Variants in UNC13C observed in about 807,000 individuals in gnomAD.
The protein encoded by UNC13C is protein unc-13 homolog C.
A neutral mutation model predicts 245.4 loss-of-function variants in UNC13C; 174 were observed. That is an observed-to-expected ratio of 0.71 (90% CI 0.63 to 0.80). The LOEUF (loss-of-function observed/expected upper bound fraction) is 0.80, where lower values mean the gene tolerates loss of function less well. UNC13C is among the 30% of genes least tolerant of loss of function. The pLI is 0.00. For missense variants in UNC13C, 2,829 were observed against 2,602.9 expected, an observed-to-expected ratio of 1.09 and a Z score of -1.89; for synonymous variants, 992 against 895.1, an observed-to-expected ratio of 1.11 and a Z score of -1.93.
In UNC13C at chr15:54,415,057, T is replaced by C. The variant is rs750338684; in HGVS notation, c.4923T>C (p.Tyr1641=). ...MWTLFALDMK[Y]ALEEHENQRL... Reference sequence around the variant, plus strand: ...CTCTTTTTGCTCTGGATATGAAATATGCATTAGAAGGTAATTATAAATATT... The same window carrying C: ...CTCTTTTTGCTCTGGATATGAAATACGCATTAGAAGGTAATTATAAATATT... The change falls in exon 19 of 33, where the codon TAT becomes TAC. Residue 1641 remains tyrosine, a synonymous_variant. Coordinates refer to ENST00000260323, the MANE Select transcript of UNC13C (RefSeq NM_001080534.3). 19 of 1,606,106 alleles carry C rather than the reference T, an allele frequency of 1.2e-5. No homozygotes were observed. The Admixed American group carries it at 3.0e-4, about 26-fold the overall frequency.
At chr15:54,486,729 G>C (rs1893436732) in intron 19 of UNC13C, among the ~76,000 whole-genome samples, 1 of 152,208 alleles carries the variant, frequency 6.6e-6, no homozygotes, top group Non-Finnish European at 1.5e-5. Context: ...CCTGTTGGCT[G>C]TCTCTTTTTT....
chr15:54,593,299 C>A (rs1419316008), intron 30 of UNC13C, among the ~76,000 whole-genome samples: 3 of 151,802 alleles, frequency 2.0e-5, no homozygotes, highest in Non-Finnish European at 4.4e-5. Context: ...CAAAGATCTT[C>A]TTGTGATGAA....
intron 6 of UNC13C, among the ~76,000 whole-genome samples, chr15:54,236,710 G>A (rs1454254610): frequency 6.6e-6 from 1 of 152,174 alleles, no homozygotes; most frequent in Non-Finnish European, 1.5e-5. Context: ...TAAACTCTTG[G>A]AGGTAAGTCT....
chr15:54,128,862 G>A (rs529089733), intron 2 of UNC13C, among the ~76,000 whole-genome samples: 1 of 152,136 alleles, frequency 6.6e-6, no homozygotes, highest in Non-Finnish European at 1.5e-5. Flanking sequence ...GATATCAGGG[G>A]AGTAACCTCC....
chr15:54,276,532 A>C (rs919456277), intron 10 of UNC13C, among the ~76,000 whole-genome samples: 3 of 152,124 alleles, frequency 2.0e-5, no homozygotes, highest in South Asian at 4.1e-4. Flanking sequence ...TAAAATCTAA[A>C]ATACAGTATC....
intron 2 of UNC13C, among the ~76,000 whole-genome samples, chr15:54,119,339 T>C (rs991741192): frequency 1.3e-5 from 2 of 152,156 alleles, no homozygotes; most frequent in Admixed American, 1.3e-4. Flanking sequence ...TTTAATTTTT[T>C]TCATGATTAT....
chr15:54,486,788 C>T (rs1195930070), intron 19 of UNC13C, among the ~76,000 whole-genome samples: 1 of 152,032 alleles, frequency 6.6e-6, no homozygotes, highest in Admixed American at 6.6e-5. Flanking sequence ...TATAACTATC[C>T]ATCTCTATTT....
chr15:54,553,134 T>C (rs550575890), intron 28 of UNC13C, among the ~76,000 whole-genome samples: 1 of 103,706 alleles, frequency 9.6e-6, no homozygotes, highest in Admixed American at 1.5e-4. Context: ...ATATAATATA[T>C]AGTATTCTAT....
intron 17 of UNC13C, among the ~76,000 whole-genome samples, chr15:54,374,862 T>C (rs1257928412): frequency 1.3e-5 from 2 of 152,222 alleles, no homozygotes; most frequent in African/African-American, 2.4e-5. Context: ...CATTAGGGGA[T>C]TGGCGCTAAG....
At chr15:54,080,388 A>G (rs1898877974) in intron 2 of UNC13C, among the ~76,000 whole-genome samples, 1 of 152,026 alleles carries the variant, frequency 6.6e-6, no homozygotes, top group Admixed American at 6.6e-5. Flanking sequence ...ACATTTCCGA[A>G]AGATTGGTAT....
At chr15:54,143,290 G>T (rs950142384) in intron 3 of UNC13C, among the ~76,000 whole-genome samples, 2 of 152,144 alleles carry the variant, frequency 1.3e-5, no homozygotes, top group South Asian at 4.1e-4. Context: ...GTCAAACACA[G>T]CATCTTTTCT....
chr15:54,253,134 G>T (rs561841299), intron 8 of UNC13C, among the ~76,000 whole-genome samples: 1 of 152,222 alleles, frequency 6.6e-6, no homozygotes, highest in East Asian at 1.9e-4. Flanking sequence ...TCTACATGTG[G>T]TCTGACCAAT....
chr15:54,419,904 C>CT (rs1429174397), intron 19 of UNC13C, among the ~76,000 whole-genome samples: 1 of 152,060 alleles, frequency 6.6e-6, no homozygotes, highest in Non-Finnish European at 1.5e-5. Flanking sequence ...AGTATGACAA[C>CT]TTTTTTTCTT....
the UNC13C span, among the ~76,000 whole-genome samples, chr15:53,856,154 A>G: frequency 0.021 from 3,251 of 151,902 alleles, 124 homozygotes; most frequent in African/African-American, 0.075. Flanking sequence ...ATCATTTTTG[A>G]ACGTGTTTAT....
intron 30 of UNC13C, among the ~76,000 whole-genome samples, chr15:54,616,024 A>G (rs1900410311): frequency 6.6e-6 from 1 of 152,074 alleles, no homozygotes; most frequent in Non-Finnish European, 1.5e-5. Context: ...AATATGTTTC[A>G]ATCCTAAAAT....
intron 19 of UNC13C, among the ~76,000 whole-genome samples, chr15:54,444,724 G>A (rs956137573): frequency 6.6e-6 from 1 of 151,566 alleles, no homozygotes; most frequent in Non-Finnish European, 1.5e-5. Flanking sequence ...TTATCCTTTT[G>A]TGCATTTTTA....
the UNC13C span, among the ~76,000 whole-genome samples, chr15:53,854,122 G>GTTTTTTTGTTTTTTTTTTT: frequency 3.2e-4 from 43 of 133,544 alleles, 4 homozygotes; most frequent in Non-Finnish European, 3.3e-4. Flanking sequence ...GTTTTTATAG[G>GTTTTTTTGTTTTTTTTTTT]TTTTTTTTTT....
intron 10 of UNC13C, among the ~76,000 whole-genome samples, chr15:54,275,469 A>G (rs1457334347): frequency 1.3e-5 from 2 of 152,090 alleles, no homozygotes; most frequent in African/African-American, 4.8e-5. Context: ...AATATTTTTT[A>G]TAATTGTATA....
intron 8 of UNC13C, among the ~76,000 whole-genome samples, chr15:54,258,903 A>T (rs2036350404): frequency 1.3e-5 from 2 of 152,208 alleles, no homozygotes; most frequent in African/African-American, 2.4e-5. Context: ...TCAGCTGCAT[A>T]AGAAAGTACC....
Sources: allele counts gnomAD v4.1 joint callset (sites outside exome capture counted in the v4.1 genomes callset), GRCh38; gene constraint gnomAD v4.1.1; transcripts MANE v1.5; gene names NCBI Gene and HGNC (gene_info 2026-07-23, HGNC 2026-07-21).